Variants in EFCAB6 observed in about 807,000 individuals in gnomAD.
EFCAB6 encodes the protein EF-hand calcium-binding domain-containing protein 6.
EFCAB6 carries 156 observed loss-of-function variants against 169.8 expected under a neutral mutation model. That is an observed-to-expected ratio of 0.92 (90% CI 0.81 to 1.05). The LOEUF (loss-of-function observed/expected upper bound fraction) is 1.05, where lower values mean the gene tolerates loss of function less well. EFCAB6 is among the 50% of genes least tolerant of loss of function. The pLI is 0.00. For missense variants in EFCAB6, 1,800 were observed against 1,829.1 expected (o/e 0.98, Z 0.29); for synonymous variants, 698 against 676.4 (o/e 1.03, Z -0.50).
chr22:43,617,585 G>A lies in EFCAB6; in HGVS notation c.2466-1663C>T, dbSNP rs1481025802. Reference sequence around the variant, plus strand: ...TCTTGAGAGATCAGGAGGTTTTCTGGTGGTTACTTAATTCCTCTCCTATTG... The same window carrying A: ...TCTTGAGAGATCAGGAGGTTTTCTGATGGTTACTTAATTCCTCTCCTATTG... On this transcript the variant is annotated intron_variant, in intron 20 of 31. Transcript: ENST00000262726. Among the ~76,000 whole-genome samples the A allele has an allele frequency of 3.9e-5, 6 of 152,204 alleles. 2 individuals are homozygous for A. Among genetic ancestry groups the A allele is most frequent in the Admixed American group, 3.9e-4 (6 of 15,296 alleles).
intron 2 of EFCAB6, among the ~76,000 whole-genome samples, chr22:43,790,507 G>C (rs1313589394): frequency 6.6e-6 from 1 of 152,200 alleles, no homozygotes; most frequent in East Asian, 1.9e-4. Context: ...GAGACCAGTG[G>C]AGCAGAGAAG....
chr22:43,651,025 GA>G (rs1305333547), intron 17 of EFCAB6, among the ~76,000 whole-genome samples: 3 of 152,196 alleles, frequency 2.0e-5, no homozygotes, highest in South Asian at 4.1e-4. Flanking sequence ...CAATGCGATA[GA>G]AAAGAAAATC....
At chr22:43,535,011 T>G (rs1483820581) in intron 29 of EFCAB6, 139 bp from the exon 30 acceptor site, 9 of 844,514 alleles carry the variant, frequency 1.1e-5, no homozygotes, top group Non-Finnish European at 1.6e-5. Flanking sequence ...TCACGGTTGG[T>G]GGCTGGACAT....
chr22:43,618,717 C>T (rs187995905), intron 20 of EFCAB6, among the ~76,000 whole-genome samples: 29 of 152,240 alleles, frequency 1.9e-4, no homozygotes, highest in Admixed American at 3.3e-4. Context: ...AGGGCCTCTT[C>T]GGGACAGAGT....
chr22:43,736,450 A>T lies in EFCAB6; in HGVS notation c.508-457T>A, dbSNP rs143695721. Among the ~76,000 whole-genome samples the T allele has an allele frequency of 1.3e-4, 20 of 152,314 alleles. No individual in the cohort carries two copies. The East Asian group carries it at 3.9e-3, about 29-fold the overall frequency. ...TAAATTTTTTAAAGATATCACAGGA[A>T]AGTTTTGTAGCGACTTCTCCAAATT... On this transcript the variant is annotated intron_variant, in intron 6 of 31. Coordinates refer to ENST00000262726, the MANE Select transcript of EFCAB6 (RefSeq NM_022785.4).
intron 1 of EFCAB6, among the ~76,000 whole-genome samples, chr22:43,811,584 G>A (rs1038369320): frequency 6.6e-6 from 1 of 152,076 alleles, no homozygotes; most frequent in African/African-American, 2.4e-5. Context: ...GGGAGGCAGG[G>A]GTAATTATGT....
At chr22:43,678,933 A>G (rs1378150583) in intron 12 of EFCAB6, among the ~76,000 whole-genome samples, 1 of 152,232 alleles carries the variant, frequency 6.6e-6, no homozygotes, top group East Asian at 1.9e-4. Flanking sequence ...TGAAAAGAAT[A>G]TAAGGTTCTC....
intron 5 of EFCAB6, among the ~76,000 whole-genome samples, chr22:43,763,634 A>C (rs921554217): frequency 1.3e-5 from 2 of 152,154 alleles, no homozygotes; most frequent in Non-Finnish European, 2.9e-5. Flanking sequence ...TAGGAAGGTC[A>C]GTTATTCATT....
chr22:43,538,321 C>T (rs1421052045), intron 28 of EFCAB6, among the ~76,000 whole-genome samples: 2 of 152,200 alleles, frequency 1.3e-5, no homozygotes, highest in Non-Finnish European at 2.9e-5. Context: ...CCATCCCAAG[C>T]CACCATCGCC....
intron 20 of EFCAB6, among the ~76,000 whole-genome samples, chr22:43,621,089 A>ATTTTT (rs3072756): frequency 2.8e-5 from 4 of 141,682 alleles, no homozygotes; most frequent in Admixed American, 1.4e-4. Context: ...ACACTATGCA[A>ATTTTT]TTTTTTTTTT....
At chr22:43,684,683 T>C (rs2058123818) in intron 11 of EFCAB6, among the ~76,000 whole-genome samples, 2 of 152,240 alleles carry the variant, frequency 1.3e-5, no homozygotes, top group East Asian at 3.8e-4. Flanking sequence ...AGCCTACGCC[T>C]ACCACCACTT....
intron 10 of EFCAB6, among the ~76,000 whole-genome samples, chr22:43,706,788 C>A (rs1375948432): frequency 6.6e-6 from 1 of 152,210 alleles, no homozygotes; most frequent in Non-Finnish European, 1.5e-5. Flanking sequence ...CCCAAAGGTT[C>A]ATCTCAGTTG....
intron 10 of EFCAB6, among the ~76,000 whole-genome samples, chr22:43,702,948 T>C (rs1254447806): frequency 6.6e-6 from 1 of 152,086 alleles, no homozygotes; most frequent in Non-Finnish European, 1.5e-5. Context: ...TACCCAGTAG[T>C]TTAAACAATG....
chr22:43,735,933 C>T lies in EFCAB6; in HGVS notation c.568G>A (p.Gly190Arg), dbSNP rs2060122453. The T allele has an allele frequency of 6.2e-7, 1 of 1,614,024 alleles. No individual in the cohort carries two copies. Among genetic ancestry groups the T allele is most frequent in the Non-Finnish European group, 8.5e-7 (1 of 1,180,030 alleles). Residue 190 changes from glycine to arginine, a missense_variant, in exon 7 of 32, where the codon GGA (glycine) becomes AGA (arginine). By Grantham distance (125) the Gly-to-Arg change is moderately radical (BLOSUM62 -2). Transcript: ENST00000262726. ...CTTAGCTCCTGCGGTCGAACCAGTC[C>T]AGTCTTGTTAACATCAATGAGCTCA... The part of the protein sequence containing the change: ...AFELIDVNKT[G>R]LVRPQELRRV...
At chr22:43,550,858 G>T (rs910543868) in intron 27 of EFCAB6, among the ~76,000 whole-genome samples, 2 of 151,924 alleles carry the variant, frequency 1.3e-5, no homozygotes, top group African/African-American at 4.8e-5. Context: ...TTTATCACAC[G>T]CTTTCTGCAG....
At position 43,658,401 on chromosome 22, in the gene EFCAB6, A is replaced by G. The variant is rs1295663282; in HGVS notation, c.1983+8703T>C. Among the ~76,000 whole-genome samples, 6 of 152,288 alleles carry G rather than the reference A, an allele frequency of 3.9e-5. No individual in the cohort carries two copies. The South Asian group carries it at 8.3e-4, about 21-fold the overall frequency. On this transcript the variant is annotated intron_variant, in intron 17 of 31. Transcript: ENST00000262726. ...TTAAACAGAGAAATTGGGTTGGTCC[A>G]GGCAGAGGCCACTCCCGCACTGTGA... is the stretch of plus-strand genomic sequence containing the variant.
At chr22:43,667,480 A>G (rs1292297088) in intron 16 of EFCAB6, among the ~76,000 whole-genome samples, 1 of 152,150 alleles carries the variant, frequency 6.6e-6, no homozygotes, top group Non-Finnish European at 1.5e-5. Context: ...TCCCCAGCAC[A>G]GTGTCCAAGT....
intron 24 of EFCAB6, among the ~76,000 whole-genome samples, chr22:43,589,298 A>T: frequency 3.5e-5 from 2 of 57,140 alleles, no homozygotes; most frequent in East Asian, 6.1e-3. Flanking sequence ...AAAAAAAAAA[A>T]AAAAAAAAAA....
At chr22:43,632,040 T>G (rs908924566) in intron 19 of EFCAB6, 65 bp downstream of exon 19, 1 of 1,585,326 alleles carries the variant, frequency 6.3e-7, no homozygotes, top group Non-Finnish European at 8.6e-7. Context: ...TCACACCCAC[T>G]TGGGCTGCGT....
Sources: allele counts gnomAD v4.1 joint callset (sites outside exome capture counted in the v4.1 genomes callset), GRCh38; gene constraint gnomAD v4.1.1; transcripts MANE v1.5; gene names NCBI Gene and HGNC (gene_info 2026-07-23, HGNC 2026-07-21).